SMIM5: variants seen among roughly 807,000 people sequenced by gnomAD.
SMIM5 encodes the protein chromosome 17 open reading frame 109.
In SMIM5, 4 loss-of-function variants were observed where a neutral mutation model predicts 4.0. The observed-to-expected ratio is 1.01, with a 90% CI of 0.50 to 2.30. The LOEUF (loss-of-function observed/expected upper bound fraction) is 2.30. SMIM5 is among the 30% of genes most tolerant of loss of function. The pLI, the probability that SMIM5 is intolerant of heterozygous loss-of-function variation, is 0.02. For missense variants in SMIM5, 107 were observed against 99.2 expected (o/e 1.08, Z -0.34); for synonymous variants, 46 against 43.6 (o/e 1.05, Z -0.22).
chr17:75,633,961 T>G lies in SMIM5; in HGVS notation c.-278T>G. 1.0e-6 allele frequency: 1 copy of G among 985,518 alleles called. No individual in the cohort carries two copies. The allele number at this position is 985,518 out of a possible 1,614,324, so 61.0% of individuals were successfully genotyped here. On this transcript the variant is annotated 5_prime_UTR_variant, in exon 1 of 3. Coordinates refer to ENST00000375215, the MANE Select transcript of SMIM5 (RefSeq NM_001162995.3). ...GAGGTGAGGCACCGGGACATGAAGT[T>G]GGAGGACAAGTTCCCAAGCAGGGCT...
At position 75,640,168 on chromosome 17, in the gene SMIM5, CCCGGCAGGAGCCCCAACAGGAA is replaced by C; in HGVS notation, c.-33_-12del. The C allele has an allele frequency of 6.6e-7, 1 of 1,524,724 alleles. No homozygotes were observed. The highest frequency in any genetic ancestry group is 8.8e-7 in the Non-Finnish European group (1 of 1,136,892). The allele number at this position is 1,524,724 out of a possible 1,614,324, so 94.4% of individuals were successfully genotyped here. On this transcript the variant is annotated 5_prime_UTR_variant, in exon 2 of 3. Coordinates refer to ENST00000375215, the MANE Select transcript of SMIM5 (RefSeq NM_001162995.3). This position sits in a 1 kb window ranked among gnomAD's most constrained non-coding sequence, Gnocchi z 4.6. Reference sequence around the variant, plus strand: ...AGGTGTTCTCTCTGCCCCAGCAGAGCCCGGCAGGAGCCCCAACAGGAAGCCAGCGCGGCATGGCTGCCACCGA... The same window carrying C: ...AGGTGTTCTCTCTGCCCCAGCAGAGCGCCAGCGCGGCATGGCTGCCACCGA...
At chr17:75,635,828 C>T (rs923157946) in intron 1 of SMIM5, 22 of 985,360 alleles carry the variant, frequency 2.2e-5, no homozygotes, top group African/African-American at 8.7e-5. Context: ...TCAAACACGC[C>T]GCCTGCTGCC....
intron 1 of SMIM5, 137 bp downstream of exon 1, chr17:75,634,339 G>T: frequency 1.2e-6 from 1 of 827,216 alleles, no homozygotes; most frequent in Non-Finnish European, 1.5e-6. Flanking sequence ...TCCCTGCAGG[G>T]AAGTCAGCCA....
At chr17:75,638,083 G>A (rs1337208586) in intron 1 of SMIM5, 1 of 152,190 alleles carries the variant, frequency 6.6e-6, no homozygotes, top group Non-Finnish European at 1.5e-5. Context: ...GGTGAGGTGT[G>A]AGAAGCTGGG....
At position 75,636,370 on chromosome 17, in the gene SMIM5, T is replaced by C. The variant is rs1158581987; in HGVS notation, c.-37+2168T>C. Among the ~76,000 whole-genome samples, 1 of 152,090 alleles carries C rather than the reference T, an allele frequency of 6.6e-6. No individual in the cohort carries two copies. Among genetic ancestry groups the C allele is most frequent in the Non-Finnish European group, 1.5e-5 (1 of 67,996 alleles). The stretch of plus-strand genomic sequence containing the variant: ...TGGAAGGAGTTGGGTGAACCTGAGA[T>C]AGAAAGACGGGAAAAATATGGGATC... On this transcript the variant is annotated intron_variant, in intron 1 of 2. Transcript: ENST00000375215. This position sits in a 1 kb window ranked among gnomAD's most constrained non-coding sequence, Gnocchi z 5.4.
chr17:75,640,798 T>C lies in SMIM5; in HGVS notation c.135T>C (p.Val45=). ...FSVIILFTAT[V]LLLLLIACSC... is the part of the protein sequence containing the mutation. The stretch of plus-strand genomic sequence containing the variant: ...TCTCTCCCGGCCCTCCAGCTACTGT[T>C]CTGCTGTTGCTGCTGATAGCCTGCA... The change falls in exon 3 of 3, where the codon GTT becomes GTC. Residue 45 remains valine (V), a synonymous_variant. Coordinates refer to ENST00000375215, the MANE Select transcript of SMIM5 (RefSeq NM_001162995.3). This position sits in a 1 kb window ranked among gnomAD's most constrained non-coding sequence, Gnocchi z 4.6. 6.5e-7 allele frequency: 1 copy of C among 1,550,350 alleles called. No individual in the cohort carries two copies. Among genetic ancestry groups the C allele is most frequent in the Non-Finnish European group, 8.7e-7 (1 of 1,146,880 alleles).
chr17:75,640,163 C>G lies in SMIM5; in HGVS notation c.-36-3C>G, dbSNP rs1474234724. On this transcript the variant is annotated splice_polypyrimidine_tract_variant and splice_region_variant and intron_variant, in intron 1 of 2. Coordinates refer to ENST00000375215, the MANE Select transcript of SMIM5 (RefSeq NM_001162995.3). The surrounding 1 kb of genome is among the most constrained non-coding windows in gnomAD (Gnocchi z 4.6). ...GCTCCAGGTGTTCTCTCTGCCCCAG[C>G]AGAGCCCGGCAGGAGCCCCAACAGG... The G allele has an allele frequency of 2.0e-6, 3 of 1,518,682 alleles. No individual in the cohort carries two copies. Among genetic ancestry groups the G allele is most frequent in the African/African-American group, 1.4e-5 (1 of 72,350 alleles). 94.1% of individuals were successfully genotyped at this position (1,518,682 alleles called of 1,614,324 possible).
chr17:75,635,242 T>C (rs2148260012), intron 1 of SMIM5, among the ~76,000 whole-genome samples: 2 of 152,174 alleles, frequency 1.3e-5, no homozygotes, highest in Middle Eastern at 3.4e-3. Context: ...TCCTGCGGTG[T>C]TGGGAGGCGC....
In SMIM5 at chr17:75,633,832, A is replaced by G; in HGVS notation, c.-407A>G. On this transcript the variant is annotated 5_prime_UTR_variant, in exon 1 of 3. Transcript: ENST00000375215. ...GAGCCGACTTCTTTCTTCAGCTCCC[A>G]ACCCAGGCCCAGCCCACGGCGTGGG... 1.0e-6 allele frequency: 1 copy of G among 1,000,630 alleles called. No homozygotes were observed. The highest frequency in any genetic ancestry group is 4.0e-5 in the South Asian group (1 of 24,726). 62.0% of individuals were successfully genotyped at this position (1,000,630 alleles called of 1,614,324 possible). A position where few individuals can be genotyped will look rare whatever the true frequency, so the allele number is the denominator to read the frequency against.
At position 75,636,460 on chromosome 17, in the gene SMIM5, G is replaced by C. The variant is rs1283183857; in HGVS notation, c.-37+2258G>C. The C allele has an allele frequency of 6.6e-6, 1 of 152,268 alleles. No homozygotes were observed. Among genetic ancestry groups the C allele is most frequent in the African/African-American group, 2.4e-5 (1 of 41,450 alleles). 9.4% of individuals were successfully genotyped at this position (152,268 alleles called of 1,614,324 possible). A position where few individuals can be genotyped will look rare whatever the true frequency, so the allele number is the denominator to read the frequency against. Reference sequence around the variant, plus strand: ...AAACCTAGGAAGGGAAAGGGGAGGAGAGGTGGCCAGCCTCAGAGCTCCCAT... The same window carrying C: ...AAACCTAGGAAGGGAAAGGGGAGGACAGGTGGCCAGCCTCAGAGCTCCCAT... On this transcript the variant is annotated intron_variant, in intron 1 of 2. Coordinates refer to ENST00000375215, the MANE Select transcript of SMIM5 (RefSeq NM_001162995.3). This position sits in a 1 kb window ranked among gnomAD's most constrained non-coding sequence, Gnocchi z 5.4.
intron 1 of SMIM5, among the ~76,000 whole-genome samples, chr17:75,635,250 C>T (rs150113359): frequency 4.8e-4 from 73 of 152,292 alleles, no homozygotes; most frequent in African/African-American, 1.7e-3. Flanking sequence ...TGTTGGGAGG[C>T]GCACAGTAGG....
chr17:75,635,767 G>A (rs2059309913), intron 1 of SMIM5: 1 of 984,274 alleles, frequency 1.0e-6, no homozygotes, highest in African/African-American at 1.7e-5. Flanking sequence ...ACAGGGCAGA[G>A]CAAGCAGCCC....
At position 75,640,910 on chromosome 17, in the gene SMIM5, G is replaced by T; in HGVS notation, c.*13G>T. 1.3e-6 allele frequency: 2 copies of T among 1,541,296 alleles called. No individual in the cohort carries two copies. Among genetic ancestry groups the T allele is most frequent in the Non-Finnish European group, 1.7e-6 (2 of 1,146,532 alleles). On this transcript the variant is annotated 3_prime_UTR_variant, in exon 3 of 3. Coordinates refer to ENST00000375215, the MANE Select transcript of SMIM5 (RefSeq NM_001162995.3). This position sits in a 1 kb window ranked among gnomAD's most constrained non-coding sequence, Gnocchi z 4.6. ...GACACCACCATGACGGACGGGCGAT[G>T]GCTGAGGAGAAGCTGGAGAGGAGAT... is the stretch of plus-strand genomic sequence containing the variant.
At chr17:75,634,916 C>T (rs1277286071) in intron 1 of SMIM5, among the ~76,000 whole-genome samples, 2 of 152,212 alleles carry the variant, frequency 1.3e-5, no homozygotes, top group African/African-American at 2.4e-5. Context: ...GCTGTGCCAC[C>T]GTGATGCACA....
In SMIM5 at chr17:75,640,832, T is replaced by A; in HGVS notation, c.169T>A (p.Cys57Ser). Residue 57 changes from cysteine (C) to serine (S), a missense_variant, in exon 3 of 3, where the codon TGC (cysteine) becomes AGC (serine). Cys to Ser is a moderately radical substitution (Grantham distance 112). Coordinates refer to ENST00000375215, the MANE Select transcript of SMIM5 (RefSeq NM_001162995.3). The surrounding 1 kb of genome is among the most constrained non-coding windows in gnomAD (Gnocchi z 4.6). ...LLLLIACSCC[C>S]THCCCPERRG... ...GCTGCTGATAGCCTGCAGCTGCTGC[T>A]GCACTCACTGCTGCTGCCCTGAGCG... 1.3e-6 allele frequency: 2 copies of A among 1,549,870 alleles called. No homozygotes were observed. Among genetic ancestry groups the A allele is most frequent in the Non-Finnish European group, 1.7e-6 (2 of 1,146,892 alleles).
At position 75,633,562 on chromosome 17, in the gene SMIM5, A is replaced by G; in HGVS notation, c.-677A>G. The G allele has an allele frequency of 7.9e-7, 1 of 1,273,282 alleles. No homozygotes were observed. Among genetic ancestry groups the G allele is most frequent in the Non-Finnish European group, 1.0e-6 (1 of 980,440 alleles). 78.9% of individuals were successfully genotyped at this position (1,273,282 alleles called of 1,614,324 possible). A position where few individuals can be genotyped will look rare whatever the true frequency, so the allele number is the denominator to read the frequency against. ...ACGCCTTCAGATGCTGAGCGGCACA[A>G]GGGCCTCCCCAGGGACTGGTTGCAA... On this transcript the variant is annotated 5_prime_UTR_variant, in exon 1 of 3. Transcript: ENST00000375215.
rs1287987962 is a variant in SMIM5, at chr17:75,640,430, G to A, written c.127+102G>A. On this transcript the variant is annotated intron_variant, in intron 2 of 2. Coordinates refer to ENST00000375215, the MANE Select transcript of SMIM5 (RefSeq NM_001162995.3). The surrounding 1 kb of genome is among the most constrained non-coding windows in gnomAD (Gnocchi z 4.6). ...CTGGCAGAGGTGGCGGGTGTCTGCC[G>A]GATCAAGGAGGAAAACCAGTTGTCC... 9.8e-6 allele frequency: 14 copies of A among 1,430,740 alleles called. No individual in the cohort carries two copies. Among genetic ancestry groups the A allele is most frequent in the Admixed American group, 2.9e-5 (1 of 34,434 alleles). The allele number at this position is 1,430,740 out of a possible 1,614,324, so 88.6% of individuals were successfully genotyped here.
intron 1 of SMIM5, chr17:75,638,683 A>G (rs2059375313): frequency 6.6e-6 from 1 of 152,244 alleles, no homozygotes; most frequent in Admixed American, 6.5e-5. Flanking sequence ...GCACCCCCCT[A>G]TGGCTGTCTA....
At position 75,633,503 on chromosome 17, in the gene SMIM5, C is replaced by T; in HGVS notation, c.-736C>T. On this transcript the variant is annotated 5_prime_UTR_variant, in exon 1 of 3. Coordinates refer to ENST00000375215, the MANE Select transcript of SMIM5 (RefSeq NM_001162995.3). ...GCCTTGCCGGGCGCGCAGGCCACTCCCAGGTCACTCAGGATTCCAAGTTCT... is the reference window on the plus strand; with the variant it reads ...GCCTTGCCGGGCGCGCAGGCCACTCTCAGGTCACTCAGGATTCCAAGTTCT... 1.6e-6 allele frequency: 2 copies of T among 1,288,766 alleles called. No homozygotes were observed. The highest frequency in any genetic ancestry group is 2.0e-6 in the Non-Finnish European group (2 of 988,482). The allele number at this position is 1,288,766 out of a possible 1,614,324, so 79.8% of individuals were successfully genotyped here. A position where few individuals can be genotyped will look rare whatever the true frequency, so the allele number is the denominator to read the frequency against.
Sources: allele counts gnomAD v4.1 joint callset (sites outside exome capture counted in the v4.1 genomes callset), GRCh38; gene constraint gnomAD v4.1.1; non-coding constraint Gnocchi (gnomAD v3.1); transcripts MANE v1.5; gene names NCBI Gene and HGNC (gene_info 2026-07-23, HGNC 2026-07-21).